Variants in OSBPL3 observed in about 807,000 individuals in gnomAD.
The protein encoded by OSBPL3 is oxysterol-binding protein-related protein 3.
OSBPL3 carries 65 observed loss-of-function variants against 120.1 expected under a neutral mutation model. The ratio of observed to expected loss-of-function variants is 0.54; its 90% CI spans 0.44 to 0.67. The LOEUF is 0.67. Ranked by LOEUF, OSBPL3 falls within the 30% of genes least tolerant of loss-of-function variation. The probability of loss-of-function intolerance (pLI) is 0.00; values close to 1 mark genes in which losing one functional copy is unlikely to be tolerated. For missense variants in OSBPL3, 1,004 were observed against 1,082.1 expected (o/e 0.93, Z 1.01); for synonymous variants, 416 against 402.6 (o/e 1.03, Z -0.40).
rs370761381 is a variant in OSBPL3, at chr7:24,901,987, A to G, written c.-149-9366T>C. On this transcript the variant is annotated intron_variant, in intron 1 of 22. Transcript: ENST00000313367. The stretch of plus-strand genomic sequence containing the variant: ...TGTAGAGCAGTAATAATAAAGACTA[A>G]AAGCTGTGGACTCAAACTGCCCGGG... Among the ~76,000 whole-genome samples, 21 of 152,340 alleles carry G rather than the reference A, an allele frequency of 1.4e-4. 1 individual carries two copies. The highest frequency in any genetic ancestry group is 5.1e-4 in the African/African-American group (21 of 41,572).
chr7:24,811,337 C>G (rs1255570874), intron 19 of OSBPL3, among the ~76,000 whole-genome samples: 1 of 152,170 alleles, frequency 6.6e-6, no homozygotes, highest in Non-Finnish European at 1.5e-5. Context: ...TGAGAAACAT[C>G]TCTTCAGGTC....
At chr7:24,902,953 CT>C (rs1295199827) in intron 1 of OSBPL3, among the ~76,000 whole-genome samples, 1 of 152,110 alleles carries the variant, frequency 6.6e-6, no homozygotes, top group Non-Finnish European at 1.5e-5. Flanking sequence ...CAACTATGGA[CT>C]TTTTCCATGT....
chr7:24,800,453 CTTTTTTTTTTT>C (rs766653677), intron 22 of OSBPL3, among the ~76,000 whole-genome samples, 174 bp from the exon 23 acceptor site: 1 of 119,528 alleles, frequency 8.4e-6, no homozygotes, highest in South Asian at 3.0e-4. Flanking sequence ...AATTTTGTTA[CTTTTTTTTTTT>C]TTTTTTTTTT....
intron 10 of OSBPL3, among the ~76,000 whole-genome samples, chr7:24,860,244 C>T (rs77554729): frequency 0.036 from 5,507 of 152,246 alleles, 125 homozygotes; most frequent in East Asian, 0.1. Context: ...AATCACACTC[C>T]CCTTTACTTC....
chr7:24,913,147 T>C lies in OSBPL3; in HGVS notation c.-149-20526A>G, dbSNP rs1809070418. On this transcript the variant is annotated intron_variant, in intron 1 of 22. Transcript: ENST00000313367. The surrounding 1 kb of genome is among the most constrained non-coding windows in gnomAD (Gnocchi z 5.3). Reference sequence around the variant, plus strand: ...CAGTGAGTAGAGCAGAAACTATGTCTTTTCATCAAGTCCCACCCAAATTAA... The same window carrying C: ...CAGTGAGTAGAGCAGAAACTATGTCCTTTCATCAAGTCCCACCCAAATTAA... Among the ~76,000 whole-genome samples the C allele has an allele frequency of 6.6e-6, 1 of 152,198 alleles. No individual in the cohort carries two copies. The highest frequency in any genetic ancestry group is 2.4e-5 in the African/African-American group (1 of 41,450).
intron 1 of OSBPL3, among the ~76,000 whole-genome samples, chr7:24,954,576 G>GA (rs1199421342): frequency 3.0e-4 from 43 of 145,370 alleles, no homozygotes; most frequent in Admixed American, 6.8e-4. Context: ...ACACAAATCA[G>GA]AAAAAAAAAA....
intron 14 of OSBPL3, among the ~76,000 whole-genome samples, chr7:24,836,412 T>A (rs1468803920): frequency 6.6e-6 from 1 of 152,228 alleles, no homozygotes; most frequent in African/African-American, 2.4e-5. Context: ...CTTTGCTGAA[T>A]TGTCTGCCTT....
rs1198220178 is a variant in OSBPL3, at chr7:24,879,616, A to G, written c.97-7547T>C. On this transcript the variant is annotated intron_variant, in intron 2 of 22. Coordinates refer to ENST00000313367, the MANE Select transcript of OSBPL3 (RefSeq NM_015550.4). The surrounding 1 kb of genome is among the most constrained non-coding windows in gnomAD (Gnocchi z 5.6). ...TGAACCCTTGAGAAAGGGAAGGAAAATCAGTCCTTGCCAGCAGCTGATACT... is the reference window on the plus strand; with the variant it reads ...TGAACCCTTGAGAAAGGGAAGGAAAGTCAGTCCTTGCCAGCAGCTGATACT... Among the ~76,000 whole-genome samples, 2 of 152,180 alleles carry G rather than the reference A, an allele frequency of 1.3e-5. No individual in the cohort carries two copies. Among genetic ancestry groups the G allele is most frequent in the Non-Finnish European group, 1.5e-5 (1 of 68,024 alleles).
At chr7:24,907,840 A>G (rs1244019032) in intron 1 of OSBPL3, among the ~76,000 whole-genome samples, 1 of 152,188 alleles carries the variant, frequency 6.6e-6, no homozygotes, top group Non-Finnish European at 1.5e-5. Flanking sequence ...TGTTGGGTCT[A>G]TATCTCACTC....
chr7:24,816,532 G>C, intron 18 of OSBPL3, 78 bp downstream of exon 18: 1 of 878,578 alleles, frequency 1.1e-6, no homozygotes, highest in Non-Finnish European at 1.9e-6. Flanking sequence ...CCGGGGGCGG[G>C]GGTGGGCATC....
chr7:24,912,323 T>C lies in OSBPL3; in HGVS notation c.-149-19702A>G, dbSNP rs1194842766. 6.6e-6 allele frequency among the ~76,000 whole-genome samples: 1 copy of C among 152,198 alleles called. No individual in the cohort carries two copies. The highest frequency in any genetic ancestry group is 1.9e-4 in the East Asian group (1 of 5,200). ...TGTAAGTCAAAATGTGGGATGTAAG[T>C]AATGTGTTAAAACTCTAAGCTGGAT... is the stretch of plus-strand genomic sequence containing the variant. On this transcript the variant is annotated intron_variant, in intron 1 of 22. Coordinates refer to ENST00000313367, the MANE Select transcript of OSBPL3 (RefSeq NM_015550.4). This position sits in a 1 kb window ranked among gnomAD's most constrained non-coding sequence, Gnocchi z 4.5.
In OSBPL3 at chr7:24,930,968, A is replaced by C. The variant is rs1001285273; in HGVS notation, c.-149-38347T>G. ...AAAATTATTTAACATTCTCACAGGA[A>C]GTACGTGTTCAGAGGCAAAAAGTGA... is the stretch of plus-strand genomic sequence containing the variant. On this transcript the variant is annotated intron_variant, in intron 1 of 22. Transcript: ENST00000313367. The surrounding 1 kb of genome is among the most constrained non-coding windows in gnomAD (Gnocchi z 4.4). 2.6e-5 allele frequency among the ~76,000 whole-genome samples: 4 copies of C among 152,228 alleles called. No individual in the cohort carries two copies. Among genetic ancestry groups the C allele is most frequent in the Admixed American group, 2.0e-4 (3 of 15,280 alleles).
intron 10 of OSBPL3, among the ~76,000 whole-genome samples, chr7:24,858,684 GCT>G (rs1350954208): frequency 6.4e-4 from 98 of 152,342 alleles, no homozygotes; most frequent in African/African-American, 2.2e-3. Context: ...GTATGTGGCA[GCT>G]CTGCAGCCAG....
In OSBPL3 at chr7:24,952,931, T is replaced by G. The variant is rs530867276; in HGVS notation, c.-150+26955A>C. On this transcript the variant is annotated intron_variant, in intron 1 of 22. Coordinates refer to ENST00000313367, the MANE Select transcript of OSBPL3 (RefSeq NM_015550.4). The surrounding 1 kb of genome is among the most constrained non-coding windows in gnomAD (Gnocchi z 4.4). ...TGGTAGGATCCCTGGAGCCCAGGAG[T>G]TCAAGACCAGCCTGGGCAACACAGC... is the stretch of plus-strand genomic sequence containing the variant. Among the ~76,000 whole-genome samples the G allele has an allele frequency of 4.6e-5, 7 of 151,774 alleles. No homozygotes were observed. The highest frequency in any genetic ancestry group is 8.8e-5 in the Non-Finnish European group (6 of 67,938).
At chr7:24,853,482 G>A (rs1171496186) in intron 10 of OSBPL3, among the ~76,000 whole-genome samples, 1 of 152,162 alleles carries the variant, frequency 6.6e-6, no homozygotes, top group Non-Finnish European at 1.5e-5. Flanking sequence ...GAAAGGCTGA[G>A]GAACTGTTCC....
chr7:24,895,067 GC>G (rs1805936154), intron 1 of OSBPL3, among the ~76,000 whole-genome samples: 1 of 152,150 alleles, frequency 6.6e-6, no homozygotes, highest in Non-Finnish European at 1.5e-5. Flanking sequence ...TGGGATTGTT[GC>G]CCGGGGAAAT....
rs1351520748 is a variant in OSBPL3, at chr7:24,803,555, G to A, written c.2567+760C>T. On this transcript the variant is annotated intron_variant, in intron 22 of 22. Transcript: ENST00000313367. This position sits in a 1 kb window ranked among gnomAD's most constrained non-coding sequence, Gnocchi z 4.2. ...TGGGAGGCTGAGGCAGGTGGATCAC[G>A]AGGTCAGGAGATTGAGACCATCCTG... Among the ~76,000 whole-genome samples the A allele has an allele frequency of 3.3e-5, 5 of 152,146 alleles. No individual in the cohort carries two copies. The highest frequency in any genetic ancestry group is 9.6e-5 in the African/African-American group (4 of 41,498).
chr7:24,930,066 A>T lies in OSBPL3; in HGVS notation c.-149-37445T>A, dbSNP rs1305719732. Among the ~76,000 whole-genome samples, 2 of 152,218 alleles carry T rather than the reference A, an allele frequency of 1.3e-5. No homozygotes were observed. The highest frequency in any genetic ancestry group is 2.4e-5 in the African/African-American group (1 of 41,464). ...TTAATGATAAAGGAAGGAAAATATC[A>T]TACATTCTTTATGAGAAAACTTTAG... On this transcript the variant is annotated intron_variant, in intron 1 of 22. Transcript: ENST00000313367. This position sits in a 1 kb window ranked among gnomAD's most constrained non-coding sequence, Gnocchi z 4.4.
chr7:24,816,149 T>A (rs1313475002), intron 18 of OSBPL3, among the ~76,000 whole-genome samples: 1 of 152,176 alleles, frequency 6.6e-6, no homozygotes, highest in Non-Finnish European at 1.5e-5. Context: ...CTCAGCCTCC[T>A]GAGTAGCTGG....
Sources: gnomAD v4.1 joint callset for allele counts (sites outside exome capture counted in the v4.1 genomes callset) on GRCh38, gnomAD v4.1.1 for gene constraint, Gnocchi (gnomAD v3.1) non-coding constraint, MANE v1.5 for transcripts, NCBI Gene and HGNC (gene_info 2026-07-23, HGNC 2026-07-21) for gene names.